NLGN4X: variants seen among roughly 807,000 people sequenced by gnomAD.
NLGN4X encodes the protein neuroligin-4, X-linked.
Under a neutral mutation model 40.3 loss-of-function variants are expected in NLGN4X, and 3 were observed. That is an observed-to-expected ratio of 0.07 (90% CI 0.03 to 0.19). The LOEUF is 0.19. Ranked by LOEUF, NLGN4X falls within the 10% of genes least tolerant of loss-of-function variation. NLGN4X has a pLI of 1.00. For synonymous variants in NLGN4X, 270 were observed against 306.8 expected (o/e 0.88, Z 1.25); for missense variants, 382 against 708.3 (o/e 0.54, Z 5.23).
At position 6,151,566 on chromosome X, in the gene NLGN4X, A is replaced by G; in HGVS notation, c.-100T>C. ...TGCAGAGAGATAGGGCTTTCCAGGG[A>G]GCAGTAGACCTGGGAGAGACTCTCA... On this transcript the variant is annotated 5_prime_UTR_variant, in exon 2 of 6. Transcript: ENST00000381095. The G allele has an allele frequency of 1.5e-6, 1 of 686,184 alleles. No homozygotes were observed. The highest frequency in any genetic ancestry group is 2.3e-6 in the Non-Finnish European group (1 of 433,262). The allele number at this position is 686,184 out of a possible 1,213,427, so 56.5% of individuals were successfully genotyped here.
chrX:5,998,388 C>T (rs1352168047), intron 3 of NLGN4X, among the ~76,000 whole-genome samples: 2 of 88,125 alleles, frequency 2.3e-5, no homozygotes, highest in Non-Finnish European at 4.3e-5. Flanking sequence ...CCAACCTAGG[C>T]GACAAGAGGG....
rs574543007 is a variant in NLGN4X, at chrX:6,137,949, C to T, written c.472+13046G>A. On this transcript the variant is annotated intron_variant, in intron 2 of 5. Transcript: ENST00000381095. ...TCACACATGTATGCTGCCTTCCCTC[C>T]TTGTAACACCTCAGGGGCTTGGCAT... is the stretch of plus-strand genomic sequence containing the variant. Among the ~76,000 whole-genome samples, 6 of 111,581 alleles carry T rather than the reference C, an allele frequency of 5.4e-5. No individual in the cohort carries two copies. The South Asian group carries it at 2.3e-3, about 42-fold the overall frequency.
intron 2 of NLGN4X, among the ~76,000 whole-genome samples, chrX:6,130,071 A>G (rs1472310413): frequency 3.7e-5 from 4 of 109,522 alleles, no homozygotes; most frequent in Non-Finnish European, 5.7e-5. Flanking sequence ...TCTTTTTTAT[A>G]GAGGTGGAGG....
At chrX:6,221,122 GCT>G (rs1925646085) in intron 1 of NLGN4X, among the ~76,000 whole-genome samples, 1 of 106,446 alleles carries the variant, frequency 9.4e-6, no homozygotes, top group Non-Finnish European at 1.9e-5. Flanking sequence ...ATAGGGTCTT[GCT>G]CTGTCTCCCA....
chrX:6,118,282 C>T (rs771221341), intron 2 of NLGN4X, among the ~76,000 whole-genome samples: 10 of 111,192 alleles, frequency 9.0e-5, no homozygotes, highest in Non-Finnish European at 1.7e-4. Context: ...GTATCTCCAG[C>T]GTAGACCTCT....
At chrX:6,195,330 G>A (rs1922945792) in intron 1 of NLGN4X, among the ~76,000 whole-genome samples, 1 of 112,172 alleles carries the variant, frequency 8.9e-6, no homozygotes, top group Non-Finnish European at 1.9e-5. Flanking sequence ...TAAAAGTGGA[G>A]CCAGAACTCA....
rs1256248762 is a variant in NLGN4X at position 6,140,453 on chromosome X, C to CACAG, written c.472+10538_472+10541dup. ...CGGGTTTCCTTCAATAGCATTCACA[C>CACAG]ACAGACACACACACACACACACACA... On this transcript the variant is annotated intron_variant, in intron 2 of 5. Transcript: ENST00000381095. 9.3e-5 allele frequency among the ~76,000 whole-genome samples: 6 copies of CACAG among 64,542 alleles called. No individual in the cohort carries two copies. In the Admixed American group the frequency reaches 1.0e-3, roughly 11 times the overall value. 56.0% of individuals were successfully genotyped at this position (64,542 alleles called of 115,157 possible). A position where few individuals can be genotyped will look rare whatever the true frequency, so the allele number is the denominator to read the frequency against.
intron 1 of NLGN4X, among the ~76,000 whole-genome samples, chrX:6,163,503 C>T (rs1195226938): frequency 8.9e-6 from 1 of 111,974 alleles, no homozygotes; most frequent in Non-Finnish European, 1.9e-5. Context: ...ATGAAGCCAG[C>T]CTGTGCTCCA....
intron 2 of NLGN4X, among the ~76,000 whole-genome samples, chrX:6,050,471 C>G (rs1406598366): frequency 9.0e-6 from 1 of 111,320 alleles, no homozygotes; most frequent in East Asian, 2.8e-4. Context: ...TCTCTATCAT[C>G]TATCCATCTC....
intron 2 of NLGN4X, among the ~76,000 whole-genome samples, chrX:6,114,521 A>AACACACACACAC (rs529608747): frequency 1.0e-5 from 1 of 95,674 alleles, no homozygotes; most frequent in African/African-American, 3.8e-5. Context: ...CAAAGTGGCA[A>AACACACACACAC]ACACACACAC....
At position 5,954,391 on chromosome X, in the gene NLGN4X, CTTTTTT is replaced by C. The variant is rs764108500; in HGVS notation, c.626-45158_626-45153del. On this transcript the variant is annotated intron_variant, in intron 3 of 5. Transcript: ENST00000381095. ...GGCAGGCACCAGCATGCTTGGCTAA[CTTTTTT>C]TTTTTTTTTTTTTTTTTTTAAGAGA... Among the ~76,000 whole-genome samples the C allele has an allele frequency of 1.9e-3, 108 of 55,841 alleles. 1 individual carries two copies. The highest frequency in any genetic ancestry group is 6.8e-3 in the African/African-American group (97 of 14,353). 48.5% of individuals were successfully genotyped at this position (55,841 alleles called of 115,157 possible).
intron 3 of NLGN4X, among the ~76,000 whole-genome samples, chrX:5,974,342 A>T (rs1323698941): frequency 1.8e-5 from 2 of 112,219 alleles, no homozygotes; most frequent in Non-Finnish European, 3.8e-5. Flanking sequence ...AGCACATTGA[A>T]GAAAAACAAG....
At chrX:6,069,264 G>A (rs2037999818) in intron 2 of NLGN4X, among the ~76,000 whole-genome samples, 1 of 98,897 alleles carries the variant, frequency 1.0e-5, no homozygotes. Flanking sequence ...CTCTAGCCAG[G>A]GTGACAGAGC....
intron 2 of NLGN4X, among the ~76,000 whole-genome samples, chrX:6,082,372 C>CAA (rs771877596): frequency 0.2 from 19,836 of 98,438 alleles, 1,828 homozygotes; most frequent in Non-Finnish European, 0.26. Flanking sequence ...TGTGTCTCCA[C>CAA]AAAAAAAAAA....
chrX:5,963,115 T>C (rs753857169), intron 3 of NLGN4X, among the ~76,000 whole-genome samples: 7 of 109,925 alleles, frequency 6.4e-5, no homozygotes, highest in Admixed American at 2.0e-4. Context: ...ACAGCCTACG[T>C]TGCCATGAAT....
At chrX:6,104,585 T>C (rs1245155104) in intron 2 of NLGN4X, among the ~76,000 whole-genome samples, 4 of 111,015 alleles carry the variant, frequency 3.6e-5, no homozygotes, top group African/African-American at 6.6e-5. Context: ...CAACGGAAAC[T>C]TGGACCTAGG....
rs533654877 is a variant in NLGN4X, at chrX:6,111,615, A to G, written c.472+39380T>C. 9.1e-4 allele frequency among the ~76,000 whole-genome samples: 101 copies of G among 111,397 alleles called. 4 individuals carry two copies. The South Asian group carries it at 0.038, about 41-fold the overall frequency. ...ATAAAAATTAGCCAGGGATGGTGGC[A>G]CACACGTATGGTCCCAGCTACTCAG... On this transcript the variant is annotated intron_variant, in intron 2 of 5. Coordinates refer to ENST00000381095, the MANE Select transcript of NLGN4X (RefSeq NM_181332.3).
At chrX:5,997,442 T>TA (rs1179544405) in intron 3 of NLGN4X, among the ~76,000 whole-genome samples, 9 of 100,802 alleles carry the variant, frequency 8.9e-5, no homozygotes, top group Admixed American at 1.1e-4. Context: ...GGTTACAAAT[T>TA]AAAAAAAAAA....
At chrX:6,057,261 AT>A (rs2037655690) in intron 2 of NLGN4X, among the ~76,000 whole-genome samples, 1 of 111,884 alleles carries the variant, frequency 8.9e-6, no homozygotes, top group Admixed American at 9.5e-5. Context: ...AGCTTTGAGA[AT>A]AGGGTTCCTA....
Sources: gnomAD v4.1 joint callset for allele counts (sites outside exome capture counted in the v4.1 genomes callset) on GRCh38, gnomAD v4.1.1 for gene constraint, MANE v1.5 for transcripts, NCBI Gene and HGNC (gene_info 2026-07-23, HGNC 2026-07-21) for gene names.